The following DYNC1H1 variants were observed in gnomAD, a reference collection of about 807,000 sequenced individuals.
DYNC1H1 encodes the protein cytoplasmic dynein 1 heavy chain 1.
A neutral mutation model predicts 527.1 loss-of-function variants in DYNC1H1; 51 were observed. That is an observed-to-expected ratio of 0.10 (90% CI 0.08 to 0.12). The LOEUF is 0.12. Ranked by LOEUF, DYNC1H1 falls within the 10% of genes least tolerant of loss-of-function variation. DYNC1H1 has a pLI of 1.00. For synonymous variants in DYNC1H1, 2,189 were observed against 2,278.8 expected (o/e 0.96, Z 1.12); for missense variants, 2,771 against 5,971.8 (o/e 0.46, Z 17.66).
chr14:102,048,037 G>A lies in DYNC1H1; in HGVS notation c.13218+9G>A. 1 of 1,607,038 alleles carries A rather than the reference G, an allele frequency of 6.2e-7. No homozygotes were observed. The highest frequency in any genetic ancestry group is 1.1e-5 in the South Asian group (1 of 90,704). The stretch of plus-strand genomic sequence containing the variant: ...CCGTGGAGAATATCAAGGTAGCTGG[G>A]AGGGTGGCGGGCCGGCCAGGTCTCA... On this transcript the variant is annotated intron_variant, in intron 73 of 77. Coordinates refer to ENST00000360184, the MANE Select transcript of DYNC1H1 (RefSeq NM_001376.5).
Position 102,027,819 on chromosome 14 carries a change from A to G in DYNC1H1, c.9249A>G (p.Pro3083=), listed in dbSNP as rs1555410963. ...EGLKDRAATS[P]ALFNRCVLNW... is the part of the protein sequence containing the mutation. ...TCAAGGACCGGGCAGCTACATCACC[A>G]GCACTTTTCAACAGGTACGTGGGCC... Residue 3083 remains proline (P), a synonymous_variant, in exon 47 of 78, where the codon CCA becomes CCG. Coordinates refer to ENST00000360184, the MANE Select transcript of DYNC1H1 (RefSeq NM_001376.5). The surrounding 1 kb of genome is among the most constrained non-coding windows in gnomAD (Gnocchi z 7.7). 4 of 1,614,074 alleles carry G rather than the reference A, an allele frequency of 2.5e-6. No individual in the cohort carries two copies. Among genetic ancestry groups the G allele is most frequent in the Admixed American group, 1.7e-5 (1 of 59,996 alleles).
At chr14:102,021,399 T>C (rs2048382212) in intron 42 of DYNC1H1, among the ~76,000 whole-genome samples, 1 of 152,092 alleles carries the variant, frequency 6.6e-6, no homozygotes, top group South Asian at 2.1e-4. Flanking sequence ...TTTCACAGAT[T>C]TCTAGTACCA....
rs1335149082 is a variant in DYNC1H1, at chr14:102,039,843, TATTTTA to T, written c.11690+112_11690+117del. On this transcript the variant is annotated intron_variant, in intron 62 of 77. Coordinates refer to ENST00000360184, the MANE Select transcript of DYNC1H1 (RefSeq NM_001376.5). This position sits in a 1 kb window ranked among gnomAD's most constrained non-coding sequence, Gnocchi z 7.0. ...CTTTTATTTTCTCTTTTATTTTCTT[TATTTTA>T]TTTTTTGAGACGGAGTCTCCCTTTG... 7.8e-7 allele frequency: 1 copy of T among 1,281,732 alleles called. No individual in the cohort carries two copies. The highest frequency in any genetic ancestry group is 1.0e-6 in the Non-Finnish European group (1 of 954,228). 79.4% of individuals were successfully genotyped at this position (1,281,732 alleles called of 1,614,324 possible). A position where few individuals can be genotyped will look rare whatever the true frequency, so the allele number is the denominator to read the frequency against.
chr14:101,968,954 G>A (rs947881348), intron 1 of DYNC1H1, among the ~76,000 whole-genome samples: 12 of 152,332 alleles, frequency 7.9e-5, no homozygotes, highest in African/African-American at 2.9e-4. Flanking sequence ...TGCATTTAGA[G>A]GAGAAATGTT....
At position 101,994,203 on chromosome 14, in the gene DYNC1H1, T is replaced by C. The variant is rs1370153222; in HGVS notation, c.3035T>C (p.Leu1012Ser). The C allele has an allele frequency of 6.2e-7, 1 of 1,614,214 alleles. No homozygotes were observed. Among genetic ancestry groups the C allele is most frequent in the East Asian group, 2.2e-5 (1 of 44,882 alleles). The part of the protein sequence containing the change: ...QRYQVGVHYE[L>S]TEEEKFYRNA... ...GGCTAGGTGGGTGTACATTACGAAT[T>C]GACTGAGGAAGAGAAATTCTATCGG... The change falls in exon 12 of 78, where the codon TTG becomes TCG. Residue 1012 changes from leucine to serine, a missense_variant. By Grantham distance (145) the Leu-to-Ser change is moderately radical. Transcript: ENST00000360184.
intron 72 of DYNC1H1, among the ~76,000 whole-genome samples, chr14:102,047,389 T>C (rs919655064): frequency 4.6e-5 from 7 of 151,426 alleles, no homozygotes; most frequent in Non-Finnish European, 7.4e-5. Context: ...AAGAAAAAAT[T>C]AGCCAGGCGC....
At position 102,033,603 on chromosome 14, in the gene DYNC1H1, A is replaced by G. The variant is rs1157136920; in HGVS notation, c.10413+119A>G. On this transcript the variant is annotated intron_variant, in intron 54 of 77. Transcript: ENST00000360184. This position sits in a 1 kb window ranked among gnomAD's most constrained non-coding sequence, Gnocchi z 5.6. ...GTGAATTCGCTCTTTAACATCTGTA[A>G]GGCCCCGGAGGACTTTTTTCCTGGA... is the stretch of plus-strand genomic sequence containing the variant. 10 of 1,322,210 alleles carry G rather than the reference A, an allele frequency of 7.6e-6. No individual in the cohort carries two copies. The highest frequency in any genetic ancestry group is 1.1e-5 in the Non-Finnish European group (10 of 948,608). The allele number at this position is 1,322,210 out of a possible 1,614,324, so 81.9% of individuals were successfully genotyped here.
chr14:102,041,363 T>C lies in DYNC1H1; in HGVS notation c.11942-211T>C. On this transcript the variant is annotated intron_variant, in intron 64 of 77. Transcript: ENST00000360184. This position sits in a 1 kb window ranked among gnomAD's most constrained non-coding sequence, Gnocchi z 4.5. ...ATCAGCAAATGGCACCTTTGTCCTA[T>C]GGATACATCCAGGTAGTAAGGTGTT... 4.2e-6 allele frequency: 3 copies of C among 713,672 alleles called. No individual in the cohort carries two copies. The highest frequency in any genetic ancestry group is 4.0e-4 in the Middle Eastern group (1 of 2,476). 44.2% of individuals were successfully genotyped at this position (713,672 alleles called of 1,614,324 possible).
intron 1 of DYNC1H1, among the ~76,000 whole-genome samples, chr14:101,966,578 C>G (rs576332309): frequency 6.6e-6 from 1 of 151,932 alleles, no homozygotes; most frequent in East Asian, 1.9e-4. Flanking sequence ...AATGCATATT[C>G]GTCATTTTAT....
chr14:102,031,634 C>CTTAAAATATTTTGTAAAATATTTTT lies in DYNC1H1; in HGVS notation c.9884-625_9884-601dup, dbSNP rs1191199568. 5.2e-4 allele frequency among the ~76,000 whole-genome samples: 79 copies of CTTAAAATATTTTGTAAAATATTTTT among 152,058 alleles called. 1 individual carries two copies. Among genetic ancestry groups the CTTAAAATATTTTGTAAAATATTTTT allele is most frequent in the African/African-American group, 1.8e-3 (74 of 41,514 alleles). On this transcript the variant is annotated intron_variant, in intron 51 of 77. Transcript: ENST00000360184. ...TATATAAAATAAATGCACAATTGCA[C>CTTAAAATATTTTGTAAAATATTTTT]TTAAAATATTTTGTAAAATATTTTT...
intron 43 of DYNC1H1, chr14:102,023,097 T>C: frequency 1.5e-6 from 1 of 680,452 alleles, no homozygotes; most frequent in South Asian, 1.7e-5. Flanking sequence ...ACTCCACCTC[T>C]ACAAAAAAAT....
chr14:102,047,193 T>C (rs1036208293), intron 72 of DYNC1H1, among the ~76,000 whole-genome samples: 1 of 152,150 alleles, frequency 6.6e-6, no homozygotes, highest in African/African-American at 2.4e-5. Flanking sequence ...TTATTCTGTA[T>C]CTGTCTCCTT....
chr14:101,982,096 G>A (rs1043069931), intron 5 of DYNC1H1, among the ~76,000 whole-genome samples: 5 of 152,150 alleles, frequency 3.3e-5, no homozygotes, highest in African/African-American at 1.2e-4. Context: ...CATGAGTGGC[G>A]GCATTAGATT....
intron 16 of DYNC1H1, among the ~76,000 whole-genome samples, chr14:101,998,526 A>G (rs923793975): frequency 5.3e-5 from 8 of 152,268 alleles, no homozygotes; most frequent in Non-Finnish European, 1.0e-4. Context: ...AATGGAAAAG[A>G]TGTGAACATA....
intron 10 of DYNC1H1, among the ~76,000 whole-genome samples, chr14:101,990,329 A>G (rs2047982270): frequency 6.6e-6 from 1 of 152,132 alleles, no homozygotes; most frequent in African/African-American, 2.4e-5. Context: ...CGTTATATTG[A>G]GACATCGTCA....
At chr14:102,031,876 C>T (rs1381827843) in intron 51 of DYNC1H1, among the ~76,000 whole-genome samples, 1 of 152,154 alleles carries the variant, frequency 6.6e-6, no homozygotes, top group Non-Finnish European at 1.5e-5. Flanking sequence ...ATCACTAGAA[C>T]CTGGGAGGCA....
In DYNC1H1 at chr14:102,017,822, T is replaced by A. The variant is rs1595618254; in HGVS notation, c.8177+318T>A. The A allele has an allele frequency of 8.0e-6, 3 of 373,144 alleles. No individual in the cohort carries two copies. The highest frequency in any genetic ancestry group is 3.9e-5 in the Admixed American group (1 of 25,906). The allele number at this position is 373,144 out of a possible 1,614,324, so 23.1% of individuals were successfully genotyped here. ...TCTACTGAAAATACAAAAACAAAAT[T>A]AAGGCCGGGCGTGGTGGCTTACGCC... On this transcript the variant is annotated intron_variant, in intron 40 of 77. Transcript: ENST00000360184. The surrounding 1 kb of genome is among the most constrained non-coding windows in gnomAD (Gnocchi z 4.6).
At chr14:101,988,882 A>G in intron 10 of DYNC1H1, 30 bp downstream of exon 10, 2 of 1,613,710 alleles carry the variant, frequency 1.2e-6, no homozygotes, top group Non-Finnish European at 1.7e-6. Context: ...TCTATTTACT[A>G]ATAAGTGAAA....
chr14:102,032,369 G>T lies in DYNC1H1; in HGVS notation c.9981G>T (p.Leu3327=). The change falls in exon 52 of 78, where the codon CTG becomes CTT. Residue 3327 remains leucine, a synonymous_variant. Transcript: ENST00000360184. The part of the protein sequence containing the change: ...VKLALESICL[L]LGESTTDWKQ... ...TGGCGCTGGAGTCCATCTGCCTGCT[G>T]CTGGGGGAAAGCACCACAGACTGGA... 1 of 1,614,246 alleles carries T rather than the reference G, an allele frequency of 6.2e-7. No individual in the cohort carries two copies. The highest frequency in any genetic ancestry group is 8.5e-7 in the Non-Finnish European group (1 of 1,180,050).
Sources: gnomAD v4.1 joint callset for allele counts (sites outside exome capture counted in the v4.1 genomes callset) on GRCh38, gnomAD v4.1.1 for gene constraint, Gnocchi (gnomAD v3.1) non-coding constraint, MANE v1.5 for transcripts, NCBI Gene and HGNC (gene_info 2026-07-23, HGNC 2026-07-21) for gene names.